Variants in NKX2-6 observed in about 807,000 individuals in gnomAD.
NKX2-6 encodes NK2 homeobox 6, also known as homeobox protein Nkx-2.6.
A neutral mutation model predicts 8.6 loss-of-function variants in NKX2-6; 8 were observed. That is an observed-to-expected ratio of 0.93 (90% confidence interval 0.54 to 1.67). The LOEUF is 1.67. Among genes scored for constraint, NKX2-6 ranks in the 40% most tolerant of loss-of-function variants. The probability of loss-of-function intolerance (pLI) is 0.00; values close to 1 mark genes in which losing one functional copy is unlikely to be tolerated. For synonymous variants in NKX2-6, 210 were observed against 199.3 expected (o/e 1.05, Z -0.45); for missense variants, 475 against 423.1 (o/e 1.12, Z -1.08).
rs951253087 is a variant in NKX2-6 at position 23,702,563 on chromosome 8, G to A, written c.794C>T (p.Ser265Leu). 2.1e-5 allele frequency: 32 copies of A among 1,544,070 alleles called. No individual in the cohort carries two copies. In the African/African-American group the frequency reaches 3.6e-4, roughly 17 times the overall value. Residue 265 changes from serine to leucine, a missense_variant, in exon 2 of 2, where the codon TCG (serine) becomes TTG (leucine). By Grantham distance (145) the Ser-to-Leu change is moderately radical. Transcript: ENST00000325017. ...CAGTGGTGTGTGTGGCGCAGGACCCGAGGGCGCGCCCGCGTAGCAGGTGCC... is the reference window on the plus strand; with the variant it reads ...CAGTGGTGTGTGTGGCGCAGGACCCAAGGGCGCGCCCGCGTAGCAGGTGCC... Reference protein sequence around the residue: ...GYGTCYAGAPSGPAPHTPLAS... With the variant: ...GYGTCYAGAPLGPAPHTPLAS...
chr8:23,703,384 C>T (rs1364260220), intron 1 of NKX2-6, among the ~76,000 whole-genome samples: 1 of 152,210 alleles, frequency 6.6e-6, no homozygotes, highest in Non-Finnish European at 1.5e-5. Flanking sequence ...GTTAAGGCAG[C>T]TCCATTTGCT....
Position 23,704,878 on chromosome 8 carries a change from G to C in NKX2-6, c.274+1447C>G, listed in dbSNP as rs551497375. The stretch of plus-strand genomic sequence containing the variant: ...GTGGGCCAGCACCCTGCGCCCTTCT[G>C]TTCACAATCCTGGAGTTCTTGAGGG... On this transcript the variant is annotated intron_variant, in intron 1 of 1. Transcript: ENST00000325017. 5.3e-5 allele frequency among the ~76,000 whole-genome samples: 8 copies of C among 152,328 alleles called. No homozygotes were observed. The East Asian group carries it at 1.4e-3, about 26-fold the overall frequency.
At chr8:23,705,949 T>C (rs954766352) in intron 1 of NKX2-6, among the ~76,000 whole-genome samples, 3 of 151,894 alleles carry the variant, frequency 2.0e-5, no homozygotes, top group Non-Finnish European at 4.4e-5. Context: ...CACCAGGTGA[T>C]GGTAGGGAAG....
chr8:23,706,184 C>T (rs1801086266), intron 1 of NKX2-6, 141 bp downstream of exon 1: 4 of 835,736 alleles, frequency 4.8e-6, no homozygotes, highest in East Asian at 2.7e-5. Context: ...ATTCGAGAGG[C>T]CTTTTTTTGG....
rs1166117138 is a variant in NKX2-6, at chr8:23,702,882, C to T, written c.475G>A (p.Ala159Thr). ...CTGGCCAGGTGCTCGCGCTCGGGCG[C>T]TGACAGGTACCGCTGCTGCTTGAAG... ...RRFKQQRYLS[A>T]PEREHLASAL... The change falls in exon 2 of 2, where the codon GCG (alanine) becomes ACG (threonine). Residue 159 changes from alanine (A) to threonine (T), a missense_variant. Coordinates refer to ENST00000325017, the MANE Select transcript of NKX2-6 (RefSeq NM_001136271.3). 1 of 1,558,120 alleles carries T rather than the reference C, an allele frequency of 6.4e-7. No homozygotes were observed. The highest frequency in any genetic ancestry group is 8.7e-7 in the Non-Finnish European group (1 of 1,150,708).
At position 23,702,774 on chromosome 8, in the gene NKX2-6, A is replaced by G; in HGVS notation, c.583T>C (p.Ser195Pro). 1 of 1,557,728 alleles carries G rather than the reference A, an allele frequency of 6.4e-7. No individual in the cohort carries two copies. The highest frequency in any genetic ancestry group is 1.4e-5 in the African/African-American group (1 of 73,476). The change falls in exon 2 of 2, where the codon TCG becomes CCG. Residue 195 changes from serine (S) to proline (P), a missense_variant. By Grantham distance (74) the Ser-to-Pro change is moderately conservative (BLOSUM62 -1). Coordinates refer to ENST00000325017, the MANE Select transcript of NKX2-6 (RefSeq NM_001136271.3). ...AGAGGGTGGCCAGCCAGTTCCAGCG[A>G]CTTGTCCTGGCGCTGTCTCTTGCAT... is the stretch of plus-strand genomic sequence containing the variant. ...YKCKRQRQDK[S>P]LELAGHPLTP...
intron 1 of NKX2-6, among the ~76,000 whole-genome samples, chr8:23,703,651 GT>G (rs1801044635): frequency 6.6e-6 from 1 of 151,892 alleles, no homozygotes; most frequent in African/African-American, 2.4e-5. Context: ...AGCCGAGATC[GT>G]GCCACTGCAC....
At position 23,702,911 on chromosome 8, in the gene NKX2-6, C is replaced by A. The variant is rs781453291; in HGVS notation, c.446G>T (p.Arg149Leu). 1 of 1,552,128 alleles carries A rather than the reference C, an allele frequency of 6.4e-7. No homozygotes were observed. The highest frequency in any genetic ancestry group is 8.7e-7 in the Non-Finnish European group (1 of 1,147,546). ...CAGGTACCGCTGCTGCTTGAAGCGC[C>A]GCTCCAGGGCCAGCACCTGCGCCTG... ...FSQAQVLALE[R>L]RFKQQRYLSA... The change falls in exon 2 of 2, where the codon CGG (arginine) becomes CTG (leucine). Residue 149 changes from arginine (R) to leucine (L), a missense_variant. Coordinates refer to ENST00000325017, the MANE Select transcript of NKX2-6 (RefSeq NM_001136271.3).
intron 1 of NKX2-6, among the ~76,000 whole-genome samples, chr8:23,703,834 G>T (rs1801048863): frequency 6.6e-6 from 1 of 152,144 alleles, no homozygotes; most frequent in Admixed American, 6.5e-5. Flanking sequence ...AGTAGAGAAA[G>T]AAGGAGAAGA....
Position 23,702,940 on chromosome 8 carries a change from A to G in NKX2-6, c.417T>C (p.Phe139=). The G allele has an allele frequency of 1.3e-6, 2 of 1,549,318 alleles. No individual in the cohort carries two copies. The highest frequency in any genetic ancestry group is 1.7e-6 in the Non-Finnish European group (2 of 1,146,240). ...ARQRRKPRVL[F]SQAQVLALER... ...CCAGGGCCAGCACCTGCGCCTGCGA[A>G]AAGAGCACGCGCGGCTTCCGTCGTT... Residue 139 remains phenylalanine, a synonymous_variant, in exon 2 of 2, where the codon TTT becomes TTC. Coordinates refer to ENST00000325017, the MANE Select transcript of NKX2-6 (RefSeq NM_001136271.3).
intron 1 of NKX2-6, among the ~76,000 whole-genome samples, chr8:23,705,790 C>G (rs1474677230): frequency 6.6e-6 from 1 of 152,264 alleles, no homozygotes; most frequent in Non-Finnish European, 1.5e-5. Flanking sequence ...CAACTTTCGT[C>G]TTCCAGAAGA....
chr8:23,705,875 C>G (rs1801082188), intron 1 of NKX2-6, among the ~76,000 whole-genome samples: 1 of 152,324 alleles, frequency 6.6e-6, no homozygotes, highest in East Asian at 1.9e-4. Context: ...GTGACCTCAG[C>G]GCCACGAGGG....
Position 23,702,325 on chromosome 8 carries a change from C to G in NKX2-6, c.*126G>C, listed in dbSNP as rs1801016748. On this transcript the variant is annotated 3_prime_UTR_variant, in exon 2 of 2. Coordinates refer to ENST00000325017, the MANE Select transcript of NKX2-6 (RefSeq NM_001136271.3). ...GCAGATCGCAGTTTCAGAGATCCCT[C>G]CGGAAAGAAGCGCCGTTGGGTAGCA... 9.1e-7 allele frequency: 1 copy of G among 1,101,996 alleles called. No homozygotes were observed. Among genetic ancestry groups the G allele is most frequent in the Middle Eastern group, 3.1e-4 (1 of 3,278 alleles). 68.3% of individuals were successfully genotyped at this position (1,101,996 alleles called of 1,614,324 possible).
chr8:23,706,146 C>G (rs1801085888), intron 1 of NKX2-6, among the ~76,000 whole-genome samples, 179 bp downstream of exon 1: 1 of 152,076 alleles, frequency 6.6e-6, no homozygotes, highest in South Asian at 2.1e-4. Flanking sequence ...GTGAAGCACA[C>G]TGGGTGTCAG....
chr8:23,702,706 G>C lies in NKX2-6; in HGVS notation c.651C>G (p.Gly217=), dbSNP rs1788421962. ...CGGGCCCGGGGCCCAGGCAGGGCTT[G>C]CCATCGCGCACCAGGACGGGCACAG... ...RVAVPVLVRD[G]KPCLGPGPGA... Residue 217 remains glycine (G), a synonymous_variant, in exon 2 of 2, where the codon GGC becomes GGG. Transcript: ENST00000325017. 2 of 1,551,482 alleles carry C rather than the reference G, an allele frequency of 1.3e-6. No individual in the cohort carries two copies. Among genetic ancestry groups the C allele is most frequent in the Non-Finnish European group, 1.7e-6 (2 of 1,146,876 alleles).
At chr8:23,703,858 A>AGAG (rs1801049263) in intron 1 of NKX2-6, among the ~76,000 whole-genome samples, 2 of 152,026 alleles carry the variant, frequency 1.3e-5, no homozygotes, top group East Asian at 3.9e-4. Flanking sequence ...AGGAAGAGGA[A>AGAG]GAGGAGGAGG....
At chr8:23,704,255 C>T (rs1425031163) in intron 1 of NKX2-6, among the ~76,000 whole-genome samples, 1 of 152,136 alleles carries the variant, frequency 6.6e-6, no homozygotes, top group African/African-American at 2.4e-5. Flanking sequence ...AGTTGAGGTC[C>T]ACATTTGGCT....
At position 23,703,036 on chromosome 8, in the gene NKX2-6, C is replaced by T. The variant is rs1423572813; in HGVS notation, c.321G>A (p.Val107=). ...AASPLGGGTR[V]PERGVGNSGD... is the part of the protein sequence containing the mutation. Reference sequence around the variant, plus strand: ...CGCTGTTGCCAACGCCGCGCTCTGGCACCCTGGTCCCGCCGCCGAGGGGCG... The same window carrying T: ...CGCTGTTGCCAACGCCGCGCTCTGGTACCCTGGTCCCGCCGCCGAGGGGCG... The change falls in exon 2 of 2, where the codon GTG becomes GTA. Residue 107 remains valine, a synonymous_variant. Transcript: ENST00000325017. 2.6e-6 allele frequency: 4 copies of T among 1,540,550 alleles called. No individual in the cohort carries two copies. In the African/African-American group the frequency reaches 4.1e-5, roughly 16 times the overall value.
At chr8:23,704,567 GATTGGAA>G (rs1239109545) in intron 1 of NKX2-6, among the ~76,000 whole-genome samples, 1 of 152,214 alleles carries the variant, frequency 6.6e-6, no homozygotes, top group Non-Finnish European at 1.5e-5. Context: ...GAGCCAGTGC[GATTGGAA>G]CCAGACTCCT....
Sources: gnomAD v4.1 joint callset for allele counts (sites outside exome capture counted in the v4.1 genomes callset) on GRCh38, gnomAD v4.1.1 for gene constraint, MANE v1.5 for transcripts, NCBI Gene and HGNC (gene_info 2026-07-23, HGNC 2026-07-21) for gene names.